Variants in ARB2A observed in about 807,000 individuals in gnomAD.
ARB2A encodes the protein ARB2 cotranscriptional regulator A.
At chr5:93,689,230 A>C in the ARB2A span, among the ~76,000 whole-genome samples, 1 of 151,990 alleles carries the variant, frequency 6.6e-6, no homozygotes, top group African/African-American at 2.4e-5. Context: ...CTCATCCCCT[A>C]CACATAATTT....
the ARB2A span, chr5:93,734,104 AC>A: frequency 6.6e-6 from 1 of 152,200 alleles, no homozygotes; most frequent in Non-Finnish European, 1.5e-5. Context: ...GTATCCAAAC[AC>A]CTCATGATTT....
chr5:93,857,111 G>A, the ARB2A span, among the ~76,000 whole-genome samples: 9 of 152,168 alleles, frequency 5.9e-5, no homozygotes, highest in Admixed American at 4.6e-4. Flanking sequence ...TTCACGAACC[G>A]CGAATGCTGC....
the ARB2A span, among the ~76,000 whole-genome samples, chr5:93,700,705 A>T: frequency 6.6e-6 from 1 of 152,138 alleles, no homozygotes; most frequent in East Asian, 1.9e-4. Flanking sequence ...ACTAATTTTT[A>T]GTTTTATCTT....
At chr5:94,099,651 A>AC in the ARB2A span, among the ~76,000 whole-genome samples, 2 of 149,052 alleles carry the variant, frequency 1.3e-5, no homozygotes, top group African/African-American at 2.5e-5. Context: ...AAAAAAAAAA[A>AC]CCGAAAATCA....
chr5:94,091,546 T>TG, the ARB2A span, among the ~76,000 whole-genome samples: 3 of 152,234 alleles, frequency 2.0e-5, no homozygotes, highest in Non-Finnish European at 4.4e-5. Context: ...AGTGAAGTCC[T>TG]GTAAGTCATA....
chr5:93,718,686 T>TAAC, the ARB2A span, among the ~76,000 whole-genome samples: 46 of 152,160 alleles, frequency 3.0e-4, no homozygotes, highest in South Asian at 1.7e-3. Context: ...TGTCTAATTG[T>TAAC]AACAACAACA....
chr5:93,969,169 T>G, the ARB2A span, among the ~76,000 whole-genome samples: 3 of 151,774 alleles, frequency 2.0e-5, no homozygotes, highest in Non-Finnish European at 4.4e-5. Flanking sequence ...TAAAATAAAA[T>G]ATTTTATTAT....
At chr5:93,787,687 A>G in the ARB2A span, among the ~76,000 whole-genome samples, 3 of 152,220 alleles carry the variant, frequency 2.0e-5, no homozygotes, top group Non-Finnish European at 2.9e-5. Context: ...TCAGTAATAC[A>G]TAACACTCTT....
chr5:93,854,057 G>A, the ARB2A span, among the ~76,000 whole-genome samples: 1 of 152,108 alleles, frequency 6.6e-6, no homozygotes, highest in South Asian at 2.1e-4. Context: ...TGTACCTCTG[G>A]TAGAATTTGG....
the ARB2A span, among the ~76,000 whole-genome samples, chr5:93,728,355 C>T: frequency 6.6e-6 from 1 of 151,998 alleles, no homozygotes; most frequent in South Asian, 2.1e-4. Flanking sequence ...GAGCTGTGAA[C>T]AGAACAGTTT....
the ARB2A span, among the ~76,000 whole-genome samples, chr5:94,003,081 T>G: frequency 2.6e-5 from 4 of 152,126 alleles, no homozygotes; most frequent in African/African-American, 9.7e-5. Flanking sequence ...TTGTTCAAAA[T>G]TAATAACCAT....
the ARB2A span, among the ~76,000 whole-genome samples, chr5:94,081,778 G>A: frequency 6.6e-6 from 1 of 151,988 alleles, no homozygotes; most frequent in Admixed American, 6.6e-5. Context: ...ACATACACTT[G>A]CATTGGGGTA....
chr5:93,927,502 T>C, the ARB2A span, among the ~76,000 whole-genome samples: 1 of 152,180 alleles, frequency 6.6e-6, no homozygotes, highest in South Asian at 2.1e-4. Context: ...CTCAGTACCG[T>C]AAACTTCATA....
the ARB2A span, among the ~76,000 whole-genome samples, chr5:93,773,239 T>C: frequency 6.6e-6 from 1 of 152,312 alleles, no homozygotes; most frequent in East Asian, 1.9e-4. Context: ...TCCTTTGAAC[T>C]GGAAGTTGAG....
At chr5:93,704,606 GA>G in the ARB2A span, among the ~76,000 whole-genome samples, 1 of 152,086 alleles carries the variant, frequency 6.6e-6, no homozygotes, top group South Asian at 2.1e-4. Context: ...CCCCAAACAA[GA>G]AAAACTAGTA....
the ARB2A span, among the ~76,000 whole-genome samples, chr5:93,953,626 C>T: frequency 6.6e-6 from 1 of 152,104 alleles, no homozygotes; most frequent in African/African-American, 2.4e-5. Flanking sequence ...ATCTCACCTA[C>T]GGCCTGCAGT....
At chr5:94,090,230 A>C in the ARB2A span, among the ~76,000 whole-genome samples, 5 of 152,260 alleles carry the variant, frequency 3.3e-5, no homozygotes, top group Admixed American at 2.0e-4. Context: ...CTCCTTGAAG[A>C]AGTCCTTCAC....
chr5:93,953,478 A>T, the ARB2A span, among the ~76,000 whole-genome samples: 1 of 139,464 alleles, frequency 7.2e-6, no homozygotes. Flanking sequence ...GCCAGGCAGA[A>T]ACTCTTGTCT....
At chr5:94,090,674 C>A in the ARB2A span, among the ~76,000 whole-genome samples, 1 of 152,110 alleles carries the variant, frequency 6.6e-6, no homozygotes, top group African/African-American at 2.4e-5. Flanking sequence ...TCATAAATAA[C>A]TCTTATTATT....
Sources: gnomAD v4.1 joint callset for allele counts (sites outside exome capture counted in the v4.1 genomes callset) on GRCh38, gnomAD v4.1.1 for gene constraint, MANE v1.5 for transcripts, NCBI Gene and HGNC (gene_info 2026-07-23, HGNC 2026-07-21) for gene names.